The following TEX9 variants were observed in gnomAD, a reference collection of about 807,000 sequenced individuals.
TEX9 encodes testis expressed 9.
A neutral mutation model predicts 59.6 loss-of-function variants in TEX9; 74 were observed. The ratio of observed to expected loss-of-function variants is 1.24; its 90% CI spans 1.03 to 1.51. The LOEUF is 1.51. TEX9 is among the 40% of genes most tolerant of loss of function. The pLI is 0.00. For synonymous variants in TEX9, 186 were observed against 152.2 expected (o/e 1.22, Z -1.64); for missense variants, 522 against 447.8 (o/e 1.17, Z -1.49).
At chr15:56,446,814 A>T (rs767255796), downstream of TEX9, 4 of 1,527,882 alleles carry the variant, frequency 2.6e-6, no homozygotes, top group East Asian at 9.0e-5. Flanking sequence ...ATGAAGCTAA[A>T]AACATAATGA....
At chr15:56,285,416 G>C (rs776068963) in intron 1 of TEX9, among the ~76,000 whole-genome samples, 5 of 152,004 alleles carry the variant, frequency 3.3e-5, no homozygotes, top group African/African-American at 1.2e-4. Context: ...ATACCCTAAG[G>C]GTATAGCTTT....
intron 1 of TEX9, among the ~76,000 whole-genome samples, chr15:56,326,980 C>T (rs2046031575): frequency 6.6e-6 from 1 of 152,150 alleles, no homozygotes; most frequent in Non-Finnish European, 1.5e-5. Flanking sequence ...TCTCAGAAAT[C>T]ACCATTAAAG....
chr15:56,329,266 C>T (rs1323784703), intron 1 of TEX9, among the ~76,000 whole-genome samples: 1 of 152,150 alleles, frequency 6.6e-6, no homozygotes, highest in Non-Finnish European at 1.5e-5. Flanking sequence ...TAGATTTCAA[C>T]ACCCAACACC....
At position 56,443,510 on chromosome 15, in the gene TEX9, G is replaced by A. The variant is rs201188134; in HGVS notation, c.*30-2161G>A. On this transcript the variant is annotated intron_variant, in intron 12 of 12. Coordinates refer to ENST00000352903, the Ensembl canonical transcript of TEX9. ...ACTTGTTCCAAATCTTCACGTTGCC[G>A]CAGCATTTCTTCTAATTTCTGTGTC... 2.0e-5 allele frequency: 32 copies of A among 1,597,858 alleles called. No individual in the cohort carries two copies. The African/African-American group carries it at 2.2e-4, about 11-fold the overall frequency.
chr15:56,438,502 A>T (rs11854726), intron 12 of TEX9, among the ~76,000 whole-genome samples: 42,960 of 152,004 alleles, frequency 0.28, 6,826 homozygotes, highest in Middle Eastern at 0.47. Flanking sequence ...TTCAGGATGG[A>T]TTAAAGACTT....
At chr15:56,441,999 G>T (rs1355117419) in intron 12 of TEX9, among the ~76,000 whole-genome samples, 2 of 151,882 alleles carry the variant, frequency 1.3e-5, no homozygotes, top group Non-Finnish European at 2.9e-5. Flanking sequence ...CAACCTGGGC[G>T]ACAGAGCGAG....
intron 1 of TEX9, among the ~76,000 whole-genome samples, chr15:56,270,178 T>G (rs1337611491): frequency 3.3e-5 from 5 of 152,176 alleles, no homozygotes; most frequent in Non-Finnish European, 7.3e-5. Flanking sequence ...GGTGCAGAGC[T>G]GAGTTTAAGT....
At chr15:56,357,140 C>G (rs1029909048) in intron 1 of TEX9, among the ~76,000 whole-genome samples, 54 of 152,070 alleles carry the variant, frequency 3.6e-4, no homozygotes. Flanking sequence ...GTTTGTCCTA[C>G]CCAGTTTGAG....
chr15:56,324,378 A>G (rs571967990), intron 1 of TEX9, among the ~76,000 whole-genome samples: 6 of 152,182 alleles, frequency 3.9e-5, no homozygotes, highest in Non-Finnish European at 7.3e-5. Context: ...TGTGGGATAT[A>G]TGTGTATAAT....
chr15:56,283,503 G>A (rs1398268934), intron 1 of TEX9, among the ~76,000 whole-genome samples: 8 of 152,042 alleles, frequency 5.3e-5, no homozygotes, highest in African/African-American at 1.9e-4. Flanking sequence ...TTAATCAATG[G>A]AAAAGGACAG....
intron 1 of TEX9, among the ~76,000 whole-genome samples, chr15:56,270,665 G>T (rs1205769345): frequency 6.6e-6 from 1 of 152,154 alleles, no homozygotes; most frequent in Non-Finnish European, 1.5e-5. Context: ...GTGTGAATTT[G>T]ATCCTGTTAT....
chr15:56,280,527 C>G (rs566278652), intron 1 of TEX9, among the ~76,000 whole-genome samples: 2 of 152,184 alleles, frequency 1.3e-5, no homozygotes, highest in Non-Finnish European at 2.9e-5. Flanking sequence ...TTATATGAGC[C>G]AAGTTAAATA....
chr15:56,317,634 A>G (rs554231657), intron 1 of TEX9, among the ~76,000 whole-genome samples: 1 of 152,056 alleles, frequency 6.6e-6, no homozygotes, highest in African/African-American at 2.4e-5. Flanking sequence ...TTTCTATTTG[A>G]GATCTTTTTT....
rs933760024 is a variant in TEX9 at position 56,391,936 on chromosome 15, A to G, written c.571+518A>G. On this transcript the variant is annotated intron_variant, in intron 7 of 12. Coordinates refer to ENST00000352903, the Ensembl canonical transcript of TEX9. ...ATATAATTTTTCTTCTTATTAACTC[A>G]TTCTTTGCATATCACTAGAATAATA... 9.9e-5 allele frequency among the ~76,000 whole-genome samples: 15 copies of G among 152,244 alleles called. No individual in the cohort carries two copies. The East Asian group carries it at 1.3e-3, about 14-fold the overall frequency.
intron 12 of TEX9, among the ~76,000 whole-genome samples, chr15:56,435,037 C>T (rs1025346374): frequency 7.9e-5 from 12 of 152,018 alleles, no homozygotes; most frequent in African/African-American, 2.7e-4. Flanking sequence ...TTACAATGGT[C>T]ACTCACTTCT....
chr15:56,413,248 TA>T (rs1244099022), intron 10 of TEX9, among the ~76,000 whole-genome samples: 1 of 143,942 alleles, frequency 6.9e-6, no homozygotes, highest in Non-Finnish European at 1.5e-5. Flanking sequence ...TTAAATAATT[TA>T]ATTTATTTAA....
chr15:56,452,544 A>G, the TEX9 span, among the ~76,000 whole-genome samples: 7 of 147,914 alleles, frequency 4.7e-5, no homozygotes, highest in Non-Finnish European at 6.0e-5. Flanking sequence ...TTTGAGACAG[A>G]GTCTCTCTCT....
Position 56,441,444 on chromosome 15 carries a change from G to A in TEX9, c.*30-4227G>A, listed in dbSNP as rs2050812902. On this transcript the variant is annotated intron_variant, in intron 12 of 12. Coordinates refer to ENST00000352903, the Ensembl canonical transcript of TEX9. Reference sequence around the variant, plus strand: ...GATATCCTGCGGTTCTGACTACCTAGTCTATAGATTAATGAGAACTGTGCA... The same window carrying A: ...GATATCCTGCGGTTCTGACTACCTAATCTATAGATTAATGAGAACTGTGCA... Among the ~76,000 whole-genome samples, 3 of 152,044 alleles carry A rather than the reference G, an allele frequency of 2.0e-5. No homozygotes were observed. The South Asian group carries it at 6.2e-4, about 32-fold the overall frequency.
intron 1 of TEX9, among the ~76,000 whole-genome samples, chr15:56,276,295 T>C (rs1031407388): frequency 4.6e-5 from 7 of 151,870 alleles, no homozygotes; most frequent in African/African-American, 1.5e-4. Flanking sequence ...ACCCTGCATG[T>C]ATTAGGTATT....
Sources: gnomAD v4.1 joint callset for allele counts (sites outside exome capture counted in the v4.1 genomes callset) on GRCh38, gnomAD v4.1.1 for gene constraint, MANE v1.5 for transcripts, NCBI Gene and HGNC (gene_info 2026-07-23, HGNC 2026-07-21) for gene names.